SASH1: variants seen among roughly 807,000 people sequenced by gnomAD.
SASH1 encodes the protein SAM and SH3 domain containing 1.
Under a neutral mutation model 125.2 loss-of-function variants are expected in SASH1, and 44 were observed. That is an observed-to-expected ratio of 0.35 (90% CI 0.28 to 0.45). The LOEUF (loss-of-function observed/expected upper bound fraction) is 0.45. Among genes scored for constraint, SASH1 ranks in the 20% least tolerant of loss-of-function variants. SASH1 has a pLI of 1.00. For missense variants in SASH1, 1,426 were observed against 1,614.5 expected (o/e 0.88, Z 2.00); for synonymous variants, 639 against 649.1 (o/e 0.98, Z 0.24).
chr6:148,429,385 TAAAAAAAAAA>T (rs61460366), intron 2 of SASH1, among the ~76,000 whole-genome samples: 12 of 73,944 alleles, frequency 1.6e-4, no homozygotes, highest in Admixed American at 1.2e-3. Flanking sequence ...CCCTGTCTCT[TAAAAAAAAAA>T]AAAAAAAAAA....
chr6:148,357,106 T>C (rs971822277), intron 1 of SASH1, among the ~76,000 whole-genome samples: 1 of 152,238 alleles, frequency 6.6e-6, no homozygotes, highest in African/African-American at 2.4e-5. Flanking sequence ...GTGTATAGTT[T>C]GCGAAAATTT....
the SASH1 span, among the ~76,000 whole-genome samples, chr6:148,231,857 T>C: frequency 2.0e-5 from 3 of 152,004 alleles, no homozygotes; most frequent in Non-Finnish European, 4.4e-5. Flanking sequence ...AATGTCATCA[T>C]TGGAAGGAAG....
At chr6:148,387,636 CTT>C (rs1328711175) in intron 1 of SASH1, among the ~76,000 whole-genome samples, 2 of 37,844 alleles carry the variant, frequency 5.3e-5, no homozygotes, top group South Asian at 1.2e-3. Context: ...TTCTTTCTTT[CTT>C]TCTTTCTTTC....
intron 1 of SASH1, among the ~76,000 whole-genome samples, chr6:148,323,878 G>A (rs1032367142): frequency 2.2e-4 from 33 of 152,066 alleles, no homozygotes; most frequent in Admixed American, 1.3e-4. Flanking sequence ...TGTAATCCCA[G>A]CACTTTGGGA....
the SASH1 span, among the ~76,000 whole-genome samples, chr6:148,250,518 G>A: frequency 1.4e-5 from 2 of 146,186 alleles, no homozygotes; most frequent in Admixed American, 7.0e-5. Flanking sequence ...TGATCCATTT[G>A]AATACACAAT....
At chr6:148,324,409 G>A (rs1169069240) in intron 1 of SASH1, among the ~76,000 whole-genome samples, 2 of 152,068 alleles carry the variant, frequency 1.3e-5, no homozygotes, top group Non-Finnish European at 2.9e-5. Context: ...TGTGTTCCCT[G>A]CCTCAGTGAG....
chr6:148,313,214 T>G (rs1424780669), intron 1 of SASH1, among the ~76,000 whole-genome samples: 1 of 152,178 alleles, frequency 6.6e-6, no homozygotes, highest in African/African-American at 2.4e-5. Flanking sequence ...CTATTCCTAA[T>G]GTCCAGATCT....
At chr6:148,202,991 T>C in the SASH1 span, among the ~76,000 whole-genome samples, 2 of 151,312 alleles carry the variant, frequency 1.3e-5, no homozygotes, top group Non-Finnish European at 2.9e-5. Flanking sequence ...AGAAAGAATA[T>C]AGAAAAATTG....
intron 16 of SASH1, 92 bp from the exon 17 acceptor site, chr6:148,540,351 G>A (rs1346035162): frequency 7.8e-6 from 7 of 897,714 alleles, no homozygotes; most frequent in African/African-American, 6.7e-5. Context: ...AAAGCTCAGG[G>A]CAGTAACTGA....
chr6:148,409,805 G>A (rs896257756), intron 2 of SASH1, among the ~76,000 whole-genome samples: 5 of 151,986 alleles, frequency 3.3e-5, no homozygotes, highest in African/African-American at 1.2e-4. Flanking sequence ...GTGGTGGCAC[G>A]TGTCTGTAAT....
chr6:148,505,294 C>T (rs1024046617), intron 8 of SASH1, among the ~76,000 whole-genome samples: 5 of 152,294 alleles, frequency 3.3e-5, no homozygotes, highest in African/African-American at 1.2e-4. Flanking sequence ...AGCTTTCACA[C>T]GTAAAAAGGT....
chr6:148,374,704 T>TGG (rs369754560), intron 1 of SASH1, among the ~76,000 whole-genome samples: 84 of 125,706 alleles, frequency 6.7e-4, no homozygotes, highest in East Asian at 6.5e-3. Context: ...GCATTTTTTT[T>TGG]GGGGGGGGGG....
At chr6:148,520,683 G>A (rs1230376637) in intron 10 of SASH1, among the ~76,000 whole-genome samples, 1 of 152,174 alleles carries the variant, frequency 6.6e-6, no homozygotes, top group Non-Finnish European at 1.5e-5. Context: ...GCCTCCAGGA[G>A]TGGCTGTCTT....
intron 2 of SASH1, among the ~76,000 whole-genome samples, chr6:148,421,207 A>AAGAAAGAAAGAAAGAAAGAAAGAAAGAG: frequency 7.2e-6 from 1 of 139,098 alleles, no homozygotes; most frequent in Non-Finnish European, 1.7e-5. Flanking sequence ...GAAAGAAAGA[A>AAGAAAGAAAGAAAGAAAGAAAGAAAGAG]AGAAAGAAAA....
At chr6:148,410,417 TGGG>T (rs1784576478) in intron 2 of SASH1, among the ~76,000 whole-genome samples, 1 of 152,064 alleles carries the variant, frequency 6.6e-6, no homozygotes, top group Non-Finnish European at 1.5e-5. Context: ...GCTGAAATGT[TGGG>T]GCGGCTGTAT....
At chr6:148,272,075 G>A (rs1191332840), upstream of SASH1, among the ~76,000 whole-genome samples, 1 of 152,040 alleles carries the variant, frequency 6.6e-6, no homozygotes, top group African/African-American at 2.4e-5. Context: ...CCGAGAACCC[G>A]AAGAATGAAA....
rs914153805 is a variant in SASH1 at position 148,544,141 on chromosome 6, G to A, written c.2671G>A (p.Ala891Thr). The A allele has an allele frequency of 1.2e-6, 2 of 1,613,998 alleles. No individual in the cohort carries two copies. The highest frequency in any genetic ancestry group is 1.7e-6 in the Non-Finnish European group (2 of 1,180,024). ...PLEQDSAVDN[A>T]LLLTQSKRFS... is the part of the protein sequence containing the mutation. ...GGAGCAAGACTCTGCTGTCGACAAT[G>A]CATTGCTACTGACCCAAAGCAAGAG... is the stretch of plus-strand genomic sequence containing the variant. Residue 891 changes from alanine (A) to threonine (T), a missense_variant, in exon 18 of 20, where the codon GCA (alanine) becomes ACA (threonine). Ala to Thr is a moderately conservative substitution (Grantham distance 58). Coordinates refer to ENST00000367467, the MANE Select transcript of SASH1 (RefSeq NM_015278.5). This position sits in a 1 kb window ranked among gnomAD's most constrained non-coding sequence, Gnocchi z 6.4.
chr6:148,451,884 G>A lies in SASH1; in HGVS notation c.386+11477G>A, dbSNP rs536418892. 3.3e-5 allele frequency among the ~76,000 whole-genome samples: 5 copies of A among 152,262 alleles called. No homozygotes were observed. The East Asian group carries it at 9.7e-4, about 29-fold the overall frequency. On this transcript the variant is annotated intron_variant, in intron 4 of 19. Transcript: ENST00000367467. Reference sequence around the variant, plus strand: ...CCTGTCTCCACATCCTGTTTGTGGCGGGGCTGTGGTGTAGGGTGGAGACAC... The same window carrying A: ...CCTGTCTCCACATCCTGTTTGTGGCAGGGCTGTGGTGTAGGGTGGAGACAC...
chr6:148,250,867 A>G, the SASH1 span, among the ~76,000 whole-genome samples: 1 of 152,230 alleles, frequency 6.6e-6, no homozygotes, highest in Non-Finnish European at 1.5e-5. Flanking sequence ...AATTTTAAAA[A>G]GAAAGAAAAG....
Sources: gnomAD v4.1 joint callset for allele counts (sites outside exome capture counted in the v4.1 genomes callset) on GRCh38, gnomAD v4.1.1 for gene constraint, Gnocchi (gnomAD v3.1) non-coding constraint, MANE v1.5 for transcripts, NCBI Gene and HGNC (gene_info 2026-07-23, HGNC 2026-07-21) for gene names.